The following TM2D2 variants were observed in gnomAD, a reference collection of about 807,000 sequenced individuals.
The protein encoded by TM2D2 is TM2 domain containing 2, also known as TM2 domain-containing protein 2.
TM2D2 carries 19 observed loss-of-function variants against 23.0 expected under a neutral mutation model. That is an observed-to-expected ratio of 0.82 (90% CI 0.58 to 1.21). TM2D2 has a LOEUF of 1.21. Among genes scored for constraint, TM2D2 ranks in the 50% most tolerant of loss-of-function variants. The pLI is 0.00. For missense variants in TM2D2, 246 were observed against 265.4 expected (o/e 0.93, Z 0.51); for synonymous variants, 120 against 108.8 (o/e 1.10, Z -0.64).
At chr8:38,995,856 T>C in intron 1 of TM2D2, 1 of 1,094,070 alleles carries the variant, frequency 9.1e-7, no homozygotes, top group Non-Finnish European at 1.2e-6. Flanking sequence ...AGACAAGTCA[T>C]TTACTCCATT....
In TM2D2 at chr8:38,990,880, T is replaced by C. The variant is rs1348242542; in HGVS notation, c.*452A>G. On this transcript the variant is annotated 3_prime_UTR_variant, in exon 4 of 4. Transcript: ENST00000456397. ...AGTGTGTATTACAATCCACGGCCAT[T>C]TCTATTTCTGCTGAAGATTTTCATT... is the stretch of plus-strand genomic sequence containing the variant. 5.8e-6 allele frequency: 1 copy of C among 173,616 alleles called. No homozygotes were observed. Among genetic ancestry groups the C allele is most frequent in the African/African-American group, 2.4e-5 (1 of 41,740 alleles). 10.8% of individuals were successfully genotyped at this position (173,616 alleles called of 1,614,324 possible).
At chr8:38,995,543 T>C in intron 1 of TM2D2, 138 bp from the exon 2 acceptor site, 1 of 1,522,328 alleles carries the variant, frequency 6.6e-7, no homozygotes, top group Non-Finnish European at 8.8e-7. Flanking sequence ...CTGACCCCTT[T>C]CCAAGCCAAT....
intron 2 of TM2D2, among the ~76,000 whole-genome samples, chr8:38,994,874 T>C (rs768744612): frequency 1.7e-4 from 26 of 152,338 alleles, no homozygotes; most frequent in Non-Finnish European, 2.6e-4. Context: ...CCTACGGACA[T>C]GGTGGAACCT....
At chr8:38,996,521 C>T (rs974738695), upstream of TM2D2, 7 of 1,566,106 alleles carry the variant, frequency 4.5e-6, no homozygotes, top group Middle Eastern at 1.8e-4. Flanking sequence ...CGTGGTCAGG[C>T]CTTTCCGCGT....
At position 38,996,459 on chromosome 8, in the gene TM2D2, G is replaced by A. The variant is rs750362061; in HGVS notation, c.-20C>T. 1.9e-6 allele frequency: 3 copies of A among 1,613,380 alleles called. No homozygotes were observed. Among genetic ancestry groups the A allele is most frequent in the African/African-American group, 1.3e-5 (1 of 74,936 alleles). On this transcript the variant is annotated 5_prime_UTR_variant, in exon 1 of 4. Transcript: ENST00000456397. ...CACCATCTTCCCGGGCACAGGAGCG[G>A]AGACCCGGCCTCAACCACAACCCCA...
chr8:38,995,861 T>C, intron 1 of TM2D2: 1 of 1,074,020 alleles, frequency 9.3e-7, no homozygotes, highest in Non-Finnish European at 1.2e-6. Flanking sequence ...AGTCATTTAC[T>C]CCATTTATGC....
At position 38,993,597 on chromosome 8, in the gene TM2D2, T is replaced by A; in HGVS notation, c.379A>T (p.Ile127Phe). 2 of 1,613,948 alleles carry A rather than the reference T, an allele frequency of 1.2e-6. No individual in the cohort carries two copies. The highest frequency in any genetic ancestry group is 1.7e-6 in the Non-Finnish European group (2 of 1,179,846). Reference protein sequence around the residue: ...TSVQCHALDGIECASPRTFLR... With the variant: ...TSVQCHALDGFECASPRTFLR... ...AAGGTCCTAGGACTGGCACACTCAA[T>A]TCCATCTAAGGCATGGCACTGGACT... The change falls in exon 3 of 4, where the codon ATT becomes TTT. Residue 127 changes from isoleucine (I) to phenylalanine (F), a missense_variant. Physicochemically the swap from Ile to Phe is conservative, Grantham distance 21. Around this residue, in one of 2 missense-constraint regions of TM2D2, gnomAD observed 212 missense variants for 202.2 expected, o/e 1.05. Coordinates refer to ENST00000456397, the MANE Select transcript of TM2D2 (RefSeq NM_078473.3).
intron 2 of TM2D2, among the ~76,000 whole-genome samples, chr8:38,994,441 T>C (rs1285988849): frequency 6.6e-6 from 1 of 152,234 alleles, no homozygotes. Flanking sequence ...AAGTGATCTC[T>C]ATACAATATT....
intron 3 of TM2D2, 118 bp from the exon 4 acceptor site, chr8:38,991,663 C>G: frequency 2.5e-6 from 2 of 789,006 alleles, no homozygotes; most frequent in Non-Finnish European, 4.2e-6. Flanking sequence ...GGCCTTTTAC[C>G]CTCCATTTTG....
chr8:38,995,036 CAG>C (rs1835714646), intron 2 of TM2D2: 2 of 331,188 alleles, frequency 6.0e-6, no homozygotes, highest in South Asian at 5.6e-5. Flanking sequence ...GAAGGAGAGT[CAG>C]GGGTGACATT....
At position 38,995,418 on chromosome 8, in the gene TM2D2, A is replaced by G. The variant is rs1218517840; in HGVS notation, c.228-13T>C. The G allele has an allele frequency of 4.3e-6, 7 of 1,612,434 alleles. No individual in the cohort carries two copies. The East Asian group carries it at 1.1e-4, about 26-fold the overall frequency. On this transcript the variant is annotated splice_polypyrimidine_tract_variant and intron_variant, in intron 1 of 3. Coordinates refer to ENST00000456397, the MANE Select transcript of TM2D2 (RefSeq NM_078473.3). ...AAATTCATCAGGTCTGTAATTCACC[A>G]GTAAGATCATGATCATCATCATACG...
intron 2 of TM2D2, 62 bp downstream of exon 2, chr8:38,995,256 G>A (rs1477663978): frequency 3.4e-6 from 4 of 1,184,092 alleles, no homozygotes; most frequent in African/African-American, 1.6e-5. Context: ...TTATGTAATA[G>A]CATTCAGACA....
chr8:38,995,346 G>A lies in TM2D2; in HGVS notation c.287C>T (p.Ser96Phe). ...GAGACAACCATAACCAAGTTCCTGG[G>A]ATGCAGTTGCATTTCCAACATGATC... is the stretch of plus-strand genomic sequence containing the variant. ...PVDHVGNATA[S>F]QELGYGCLKF... Residue 96 changes from serine to phenylalanine, a missense_variant, in exon 2 of 4, where the codon TCC (serine) becomes TTC (phenylalanine). Transcript: ENST00000456397. 6.2e-7 allele frequency: 1 copy of A among 1,602,922 alleles called. No individual in the cohort carries two copies. The highest frequency in any genetic ancestry group is 8.5e-7 in the Non-Finnish European group (1 of 1,176,436).
Position 38,996,406 on chromosome 8 carries a change from G to A in TM2D2, c.34C>T (p.Leu12Phe), listed in dbSNP as rs750274444. ...AGCAAAGCCGCCTGGCCGCACAGAA[G>A]TAAGTAACTAACCGGGCAACCACCT... The part of the protein sequence containing the change: ...VLGGCPVSYL[L>F]LCGQAALLLG... The change falls in exon 1 of 4, where the codon CTT (leucine) becomes TTT (phenylalanine). Residue 12 changes from leucine (L) to phenylalanine (F), a missense_variant. Coordinates refer to ENST00000456397, the MANE Select transcript of TM2D2 (RefSeq NM_078473.3). 3.7e-6 allele frequency: 6 copies of A among 1,614,052 alleles called. No individual in the cohort carries two copies. In the African/African-American group the frequency reaches 4.0e-5, roughly 11 times the overall value.
Position 38,989,745 on chromosome 8 carries a change from A to G in TM2D2, c.*1587T>C, listed in dbSNP as rs1315122789. The stretch of plus-strand genomic sequence containing the variant: ...GTAGCATCTTATTTTGGGTAATATT[A>G]TAATTTATGTTTTTTAGACTTCCCT... On this transcript the variant is annotated 3_prime_UTR_variant, in exon 4 of 4. Transcript: ENST00000456397. The G allele has an allele frequency of 2.0e-5, 3 of 152,192 alleles. No homozygotes were observed. The highest frequency in any genetic ancestry group is 4.4e-5 in the Non-Finnish European group (3 of 68,028). The allele number at this position is 152,192 out of a possible 1,614,324, so 9.4% of individuals were successfully genotyped here.
At chr8:38,994,626 A>C (rs1191604981) in intron 2 of TM2D2, among the ~76,000 whole-genome samples, 1 of 152,180 alleles carries the variant, frequency 6.6e-6, no homozygotes, top group East Asian at 1.9e-4. Context: ...ACATCTGACC[A>C]AATCTTGACT....
chr8:38,991,246 TA>T lies in TM2D2; in HGVS notation c.*85del, dbSNP rs1281877283. 9.0e-7 allele frequency: 1 copy of T among 1,107,788 alleles called. No individual in the cohort carries two copies. Among genetic ancestry groups the T allele is most frequent in the Non-Finnish European group, 1.3e-6 (1 of 751,476 alleles). The allele number at this position is 1,107,788 out of a possible 1,614,324, so 68.6% of individuals were successfully genotyped here. ...AGAAGGAAAATAACATCAGGTCTGA[TA>T]TCAAAGAGGAGTTTTGAGCCTGTAG... On this transcript the variant is annotated 3_prime_UTR_variant, in exon 4 of 4. Transcript: ENST00000456397.
chr8:38,993,864 T>C, intron 2 of TM2D2: 1 of 361,504 alleles, frequency 2.8e-6, no homozygotes, highest in Non-Finnish European at 5.1e-6. Context: ...TTAAATAAAC[T>C]CCTGCTTTCT....
rs1835583068 is a variant in TM2D2 at position 38,990,992 on chromosome 8, C to G, written c.*340G>C. 3.7e-6 allele frequency: 1 copy of G among 273,200 alleles called. No homozygotes were observed. Among genetic ancestry groups the G allele is most frequent in the African/African-American group, 2.2e-5 (1 of 45,042 alleles). 16.9% of individuals were successfully genotyped at this position (273,200 alleles called of 1,614,324 possible). On this transcript the variant is annotated 3_prime_UTR_variant, in exon 4 of 4. Coordinates refer to ENST00000456397, the MANE Select transcript of TM2D2 (RefSeq NM_078473.3). The stretch of plus-strand genomic sequence containing the variant: ...ATTCATTTTGCTCAACTTGTTAGGT[C>G]CACTTGCTCCAAAGGACTGAAGATA...
Sources: gnomAD v4.1 joint callset for allele counts (sites outside exome capture counted in the v4.1 genomes callset) on GRCh38, gnomAD v4.1.1 for gene constraint, gnomAD v4.1.1 regional missense constraint, MANE v1.5 for transcripts, NCBI Gene and HGNC (gene_info 2026-07-23, HGNC 2026-07-21) for gene names.